FSD1L: variants seen among roughly 807,000 people sequenced by gnomAD.
FSD1L encodes FSD1-like protein.
FSD1L carries 45 observed loss-of-function variants against 71.6 expected under a neutral mutation model. That is an observed-to-expected ratio of 0.63 (90% CI 0.49 to 0.81). The LOEUF (loss-of-function observed/expected upper bound fraction) is 0.81. Ranked by LOEUF, FSD1L falls within the 30% of genes least tolerant of loss-of-function variation. The pLI is 0.00. For missense variants in FSD1L, 561 were observed against 618.1 expected, an observed-to-expected ratio of 0.91 and a Z score of 0.98; for synonymous variants, 197 against 207.2, an observed-to-expected ratio of 0.95 and a Z score of 0.42.
chr9:105,520,791 C>G, intron 10 of FSD1L: 2 of 1,612,508 alleles, frequency 1.2e-6, no homozygotes, highest in Non-Finnish European at 1.7e-6. Context: ...TCCACTCAAC[C>G]TTTAAGAAAC....
intron 7 of FSD1L, 101 bp from the exon 8 acceptor site, chr9:105,506,298 A>G: frequency 5.7e-6 from 5 of 883,958 alleles, no homozygotes; most frequent in South Asian, 1.7e-5. Context: ...TAAAAGCATA[A>G]TGAAAAAGCA....
At chr9:105,499,582 C>A (rs369896000) in intron 7 of FSD1L, among the ~76,000 whole-genome samples, 1 of 151,858 alleles carries the variant, frequency 6.6e-6, no homozygotes, top group African/African-American at 2.4e-5. Context: ...CCCCACCTGG[C>A]TTCTTTCAAG....
intron 10 of FSD1L, chr9:105,521,089 T>A (rs1213591433): frequency 6.2e-7 from 1 of 1,613,630 alleles, no homozygotes; most frequent in Non-Finnish European, 8.5e-7. Context: ...CCACATTATG[T>A]CATGATAAAG....
chr9:105,447,152 A>G (rs956712342), upstream of FSD1L, among the ~76,000 whole-genome samples: 1 of 151,704 alleles, frequency 6.6e-6, no homozygotes, highest in African/African-American at 2.4e-5. Context: ...GGCTAGAACC[A>G]GTCTCCGCTA....
chr9:105,453,935 G>A (rs1399428405), intron 1 of FSD1L, among the ~76,000 whole-genome samples: 1 of 152,148 alleles, frequency 6.6e-6, no homozygotes, highest in African/African-American at 2.4e-5. Flanking sequence ...CCAGCCACAA[G>A]GTTCTGATAG....
At chr9:105,492,502 A>G (rs957761513) in intron 7 of FSD1L, among the ~76,000 whole-genome samples, 1 of 151,702 alleles carries the variant, frequency 6.6e-6, no homozygotes, top group Non-Finnish European at 1.5e-5. Flanking sequence ...TATTTCCTTC[A>G]GTTCTGCTTT....
At chr9:105,442,189 A>G in the FSD1L span, among the ~76,000 whole-genome samples, 12 of 152,288 alleles carry the variant, frequency 7.9e-5, no homozygotes, top group African/African-American at 2.9e-4. Flanking sequence ...GGGTTAAATT[A>G]ACTATCCCTC....
rs1174787766 is a variant in FSD1L at position 105,548,331 on chromosome 9, A to G, written c.*1848A>G. 2 of 152,500 alleles carry G rather than the reference A, an allele frequency of 1.3e-5. No homozygotes were observed. Among genetic ancestry groups the G allele is most frequent in the African/African-American group, 4.8e-5 (2 of 41,452 alleles). The allele number at this position is 152,500 out of a possible 1,614,324, so 9.4% of individuals were successfully genotyped here. A position where few individuals can be genotyped will look rare whatever the true frequency, so the allele number is the denominator to read the frequency against. ...TTCCTTTCATAGACTCAAACCTGAA[A>G]GCAGAAATTTTTAGTAGTTGAGTTG... On this transcript the variant is annotated 3_prime_UTR_variant, in exon 14 of 14. Coordinates refer to ENST00000481272, the MANE Select transcript of FSD1L (RefSeq NM_001145313.3).
Position 105,481,916 on chromosome 9 carries a change from G to T in FSD1L, c.465-2465G>T, listed in dbSNP as rs148197748. Among the ~76,000 whole-genome samples, 835 of 151,996 alleles carry T rather than the reference G, an allele frequency of 5.5e-3. 10 individuals are homozygous for T. The highest frequency in any genetic ancestry group is 0.02 in the African/African-American group (809 of 41,448). On this transcript the variant is annotated intron_variant, in intron 6 of 13. Transcript: ENST00000481272. ...GCCGCCTGAGCAGCTGGGACTGCAG[G>T]CACGTGCCACCATGCCCCGTTAATT...
intron 1 of FSD1L, among the ~76,000 whole-genome samples, chr9:105,452,181 G>A (rs1042210968): frequency 3.3e-5 from 5 of 152,186 alleles, no homozygotes; most frequent in African/African-American, 1.2e-4. Context: ...TCCAAGCTAT[G>A]TGCTATTCTT....
At chr9:105,452,272 G>A (rs1028584049) in intron 1 of FSD1L, among the ~76,000 whole-genome samples, 5 of 152,092 alleles carry the variant, frequency 3.3e-5, no homozygotes, top group South Asian at 2.1e-4. Flanking sequence ...CCAAAATTAC[G>A]CCTCAGTTAA....
chr9:105,539,949 A>T (rs1836502076), intron 13 of FSD1L, among the ~76,000 whole-genome samples: 1 of 152,112 alleles, frequency 6.6e-6, no homozygotes, highest in South Asian at 2.1e-4. Flanking sequence ...ACTGCTATGA[A>T]TACTTTTGTT....
rs1837244755 is a variant in FSD1L, at chr9:105,551,109, T to TA, written c.*4626_*4627insA. ...AGGGCTATGAGAATGCATATATATA[T>TA]TTTTTAACATTTCCTATATATCTAA... On this transcript the variant is annotated 3_prime_UTR_variant, in exon 14 of 14. Transcript: ENST00000481272. 1 of 152,198 alleles carries TA rather than the reference T, an allele frequency of 6.6e-6. No individual in the cohort carries two copies. The highest frequency in any genetic ancestry group is 1.5e-5 in the Non-Finnish European group (1 of 67,952). The allele number at this position is 152,198 out of a possible 1,614,324, so 9.4% of individuals were successfully genotyped here. A position where few individuals can be genotyped will look rare whatever the true frequency, so the allele number is the denominator to read the frequency against.
intron 7 of FSD1L, among the ~76,000 whole-genome samples, chr9:105,491,465 C>G (rs1219029581): frequency 6.6e-6 from 1 of 152,144 alleles, no homozygotes; most frequent in Non-Finnish European, 1.5e-5. Flanking sequence ...TTGACTTCCT[C>G]TTTTCCTAAC....
chr9:105,522,966 A>G lies in FSD1L; in HGVS notation c.1025+10030A>G. On this transcript the variant is annotated intron_variant, in intron 10 of 13. Coordinates refer to ENST00000481272, the MANE Select transcript of FSD1L (RefSeq NM_001145313.3). Reference sequence around the variant, plus strand: ...TGCCAGTGCAGGGAGCAGTGATCTTATCAGCTCAGATAGTCATTCGGATTC... The same window carrying G: ...TGCCAGTGCAGGGAGCAGTGATCTTGTCAGCTCAGATAGTCATTCGGATTC... 8.7e-6 allele frequency: 14 copies of G among 1,613,992 alleles called. 1 individual carries two copies. The highest frequency in any genetic ancestry group is 8.5e-6 in the Non-Finnish European group (10 of 1,179,984).
chr9:105,545,112 G>A (rs1836899092), intron 13 of FSD1L, among the ~76,000 whole-genome samples: 3 of 151,982 alleles, frequency 2.0e-5, no homozygotes, highest in Non-Finnish European at 4.4e-5. Context: ...TTGAGCAGTG[G>A]TTTGTAGTTC....
chr9:105,502,507 A>G (rs1355543004), intron 7 of FSD1L, among the ~76,000 whole-genome samples: 2 of 152,154 alleles, frequency 1.3e-5, no homozygotes, highest in East Asian at 1.9e-4. Flanking sequence ...ACTGATACCA[A>G]TGATAACATT....
At chr9:105,493,682 T>G (rs921608015) in intron 7 of FSD1L, among the ~76,000 whole-genome samples, 5 of 152,148 alleles carry the variant, frequency 3.3e-5, no homozygotes, top group Non-Finnish European at 7.3e-5. Flanking sequence ...AGGAGCTCTT[T>G]TAGGGCAGGC....
At chr9:105,524,522 A>C (rs1186165683) in intron 10 of FSD1L, 4 of 1,613,860 alleles carry the variant, frequency 2.5e-6, no homozygotes, top group African/African-American at 1.3e-5. Flanking sequence ...AAACAGAAAA[A>C]TCTGTTCTCA....
Sources: allele counts gnomAD v4.1 joint callset (sites outside exome capture counted in the v4.1 genomes callset), GRCh38; gene constraint gnomAD v4.1.1; transcripts MANE v1.5; gene names NCBI Gene and HGNC (gene_info 2026-07-23, HGNC 2026-07-21).